The following PLD1 variants were observed in gnomAD, a reference collection of about 807,000 sequenced individuals.
PLD1 encodes the protein choline phosphatase 1.
Under a neutral mutation model 137.1 loss-of-function variants are expected in PLD1, and 112 were observed. That is an observed-to-expected ratio of 0.82 (90% CI 0.70 to 0.96). The LOEUF (loss-of-function observed/expected upper bound fraction) is 0.96. Among genes scored for constraint, PLD1 ranks in the 40% least tolerant of loss-of-function variants. PLD1 has a pLI of 0.00. For missense variants in PLD1, 1,321 were observed against 1,342.0 expected, an observed-to-expected ratio of 0.98 and a Z score of 0.24; for synonymous variants, 431 against 454.7, an observed-to-expected ratio of 0.95 and a Z score of 0.66.
chr3:171,702,075 A>G (rs186514496), intron 11 of PLD1, among the ~76,000 whole-genome samples: 1 of 152,328 alleles, frequency 6.6e-6, no homozygotes, highest in Non-Finnish European at 1.5e-5. Flanking sequence ...TAAATATAAG[A>G]GTAGAACTTG....
chr3:171,719,576 A>G (rs1717939091), intron 8 of PLD1, among the ~76,000 whole-genome samples: 2 of 152,274 alleles, frequency 1.3e-5, no homozygotes, highest in African/African-American at 2.4e-5. Context: ...AGTTCACTAA[A>G]GTAAACACTA....
In PLD1 at chr3:171,735,601, G is replaced by A. The variant is rs767345407; in HGVS notation, c.325C>T (p.His109Tyr). 1 of 1,552,532 alleles carries A rather than the reference G, an allele frequency of 6.4e-7. No individual in the cohort carries two copies. The highest frequency in any genetic ancestry group is 1.1e-5 in the South Asian group (1 of 89,716). Residue 109 changes from histidine (H) to tyrosine (Y), a missense_variant, in exon 4 of 27, where the codon CAT (histidine) becomes TAT (tyrosine). Coordinates refer to ENST00000351298, the MANE Select transcript of PLD1 (RefSeq NM_002662.5). ...TTAACTTGCCATTTAAATTCCCCAT[G>A]TGTTAATTCAATAGTGTAAAGATTA... The part of the protein sequence containing the change: ...SINLYTIELT[H>Y]GEFKWQVKRK...
intron 19 of PLD1, among the ~76,000 whole-genome samples, chr3:171,669,521 C>G (rs1712526329): frequency 2.6e-5 from 4 of 152,208 alleles, no homozygotes; most frequent in Admixed American, 2.6e-4. Context: ...CCTGCCTCAG[C>G]CTCTCAAGTA....
intron 1 of PLD1, among the ~76,000 whole-genome samples, chr3:171,764,526 C>T (rs1389608349): frequency 6.6e-6 from 1 of 152,086 alleles, no homozygotes; most frequent in Non-Finnish European, 1.5e-5. Flanking sequence ...TGGCCTACAA[C>T]ACACTCACAT....
At chr3:171,760,106 T>G (rs755556306) in intron 1 of PLD1, among the ~76,000 whole-genome samples, 1 of 151,498 alleles carries the variant, frequency 6.6e-6, no homozygotes, top group Non-Finnish European at 1.5e-5. Context: ...CTTTTTTATT[T>G]ATTCCCGTTT....
intron 11 of PLD1, 141 bp downstream of exon 11, chr3:171,708,614 G>A (rs546317427): frequency 2.5e-5 from 13 of 520,454 alleles, no homozygotes. Context: ...TGAAGGCTTA[G>A]TCAACTGGTT....
At chr3:171,719,613 G>A (rs920325239) in intron 8 of PLD1, among the ~76,000 whole-genome samples, 3 of 152,204 alleles carry the variant, frequency 2.0e-5, no homozygotes, top group Non-Finnish European at 4.4e-5. Flanking sequence ...GGAATTAAAA[G>A]TAATGGCAAA....
chr3:171,727,205 T>C, intron 6 of PLD1, among the ~76,000 whole-genome samples: 1 of 152,192 alleles, frequency 6.6e-6, no homozygotes, highest in East Asian at 1.9e-4. Context: ...CCACGGGCCC[T>C]AGTTTGCAGG....
Position 171,644,948 on chromosome 3 carries a change from T to A in PLD1, c.2505A>T (p.Gly835=), listed in dbSNP as rs1482863453. 6.2e-7 allele frequency: 1 copy of A among 1,613,518 alleles called. No individual in the cohort carries two copies. ...GCATGATTGCCTGTAGAGCATTTCC[T>A]CCGCCGGTTGAAATGTCTCCTTCGA... ...PGFEGDISTG[G]GNALQAIMHF... is the part of the protein sequence containing the mutation. Residue 835 remains glycine (G), a synonymous_variant, in exon 22 of 27, where the codon GGA becomes GGT. Coordinates refer to ENST00000351298, the MANE Select transcript of PLD1 (RefSeq NM_002662.5).
intron 19 of PLD1, among the ~76,000 whole-genome samples, chr3:171,664,553 G>A (rs1413049745): frequency 6.6e-6 from 1 of 151,966 alleles, no homozygotes; most frequent in Non-Finnish European, 1.5e-5. Context: ...TGTCTCCTGG[G>A]ATCAAGTGAT....
chr3:171,631,799 G>A (rs1734690168), intron 23 of PLD1, among the ~76,000 whole-genome samples: 1 of 151,836 alleles, frequency 6.6e-6, no homozygotes, highest in Admixed American at 6.6e-5. Context: ...GGGGAAAAAG[G>A]GAAAACTTTC....
Position 171,724,755 on chromosome 3 carries a change from G to C in PLD1, c.699C>G (p.His233Gln). 1 of 1,609,978 alleles carries C rather than the reference G, an allele frequency of 6.2e-7. No individual in the cohort carries two copies. The highest frequency in any genetic ancestry group is 1.1e-5 in the South Asian group (1 of 91,016). Reference sequence around the variant, plus strand: ...CACAGCAATTCAAGCCTGGTATTCTGTGTCCTCCAGATCTTTTCATTATCA... The same window carrying C: ...CACAGCAATTCAAGCCTGGTATTCTCTGTCCTCCAGATCTTTTCATTATCA... ...EGMIMKRSGG[H>Q]RIPGLNCCGQ... The change falls in exon 8 of 27, where the codon CAC (histidine) becomes CAG (glutamine). Residue 233 changes from histidine (H) to glutamine (Q), a missense_variant. By Grantham distance (24) the His-to-Gln change is conservative. Transcript: ENST00000351298.
intron 1 of PLD1, among the ~76,000 whole-genome samples, chr3:171,761,232 A>C (rs1721371526): frequency 6.6e-6 from 1 of 152,172 alleles, no homozygotes; most frequent in Non-Finnish European, 1.5e-5. Flanking sequence ...ATAGTCAGGC[A>C]AAGAAGGGTC....
chr3:171,751,817 G>A (rs1013927203), intron 1 of PLD1, among the ~76,000 whole-genome samples: 2 of 152,078 alleles, frequency 1.3e-5, no homozygotes, highest in Non-Finnish European at 2.9e-5. Context: ...TGGCTAACAC[G>A]GTGAAACCCC....
chr3:171,699,793 C>A lies in PLD1; in HGVS notation c.1179G>T (p.Val393=). The A allele has an allele frequency of 6.2e-7, 1 of 1,613,990 alleles. No individual in the cohort carries two copies. The highest frequency in any genetic ancestry group is 1.1e-5 in the South Asian group (1 of 91,060). The change falls in exon 12 of 27, where the codon GTG becomes GTT. Residue 393 remains valine (V), a synonymous_variant. Transcript: ENST00000351298. ...CCAACCTCCAACGATTTCCCTCAAC[C>A]ACTGGGCGTTTCAGGAAGATTTCTG... ...LSPEIFLKRP[V]VEGNRWRLDC...
chr3:171,679,975 C>T (rs1713793251), intron 16 of PLD1, among the ~76,000 whole-genome samples: 1 of 152,090 alleles, frequency 6.6e-6, no homozygotes, highest in Non-Finnish European at 1.5e-5. Flanking sequence ...TGTCTTTTGG[C>T]ACAGATTTGT....
At chr3:171,677,929 T>C (rs531763240) in intron 16 of PLD1, 1 of 346,336 alleles carries the variant, frequency 2.9e-6, no homozygotes, top group African/African-American at 2.1e-5. Context: ...ACAATGAAAT[T>C]TGACCTTCTC....
At chr3:171,792,387 G>C (rs1220984030) in intron 1 of PLD1, 1 of 357,296 alleles carries the variant, frequency 2.8e-6, no homozygotes, top group South Asian at 2.1e-5. Flanking sequence ...TAAGAGTAGT[G>C]GGGGCTGGGT....
At chr3:171,749,643 G>C (rs1182076913) in intron 1 of PLD1, among the ~76,000 whole-genome samples, 1 of 152,140 alleles carries the variant, frequency 6.6e-6, no homozygotes, top group African/African-American at 2.4e-5. Flanking sequence ...TTGTATAAGG[G>C]CTGGTCCCAG....
Sources: gnomAD v4.1 joint callset for allele counts (sites outside exome capture counted in the v4.1 genomes callset) on GRCh38, gnomAD v4.1.1 for gene constraint, MANE v1.5 for transcripts, NCBI Gene and HGNC (gene_info 2026-07-23, HGNC 2026-07-21) for gene names.